The following SMAP1 variants were observed in gnomAD, a reference collection of about 807,000 sequenced individuals.
SMAP1 encodes small ArfGAP 1.
Under a neutral mutation model 58.5 loss-of-function variants are expected in SMAP1, and 24 were observed. That is an observed-to-expected ratio of 0.41 (90% CI 0.30 to 0.58). SMAP1 has a LOEUF of 0.58. SMAP1 is among the 20% of genes least tolerant of loss of function. SMAP1 has a pLI of 0.29. For missense variants in SMAP1, 563 were observed against 566.3 expected, an observed-to-expected ratio of 0.99 and a Z score of 0.06; for synonymous variants, 216 against 196.6, an observed-to-expected ratio of 1.10 and a Z score of -0.82.
intron 2 of SMAP1, among the ~76,000 whole-genome samples, chr6:70,754,270 C>T (rs761393803): frequency 1.3e-5 from 2 of 152,040 alleles, no homozygotes; most frequent in Admixed American, 6.6e-5. Context: ...AGTCATTCCT[C>T]ATAGATGACA....
chr6:70,731,478 G>T (rs1436081761), intron 1 of SMAP1, among the ~76,000 whole-genome samples: 1 of 152,110 alleles, frequency 6.6e-6, no homozygotes, highest in East Asian at 1.9e-4. Context: ...TTATATTCTT[G>T]CCATACAGCT....
rs138470113 is a variant in SMAP1 at position 70,833,737 on chromosome 6, CCTTT to C, written c.577-3199_577-3196del. On this transcript the variant is annotated intron_variant, in intron 6 of 10. Coordinates refer to ENST00000370455, the MANE Select transcript of SMAP1 (RefSeq NM_001044305.3). ...CAAAACAACAATCTGGGAATATTTA[CCTTT>C]CTTTTATGCAGTCAGTGTACTCTAT... is the stretch of plus-strand genomic sequence containing the variant. Among the ~76,000 whole-genome samples the C allele has an allele frequency of 5.6e-3, 853 of 152,252 alleles. 5 individuals are homozygous for C. The highest frequency in any genetic ancestry group is 0.018 in the African/African-American group (734 of 41,550).
Position 70,772,058 on chromosome 6 carries a change from G to A in SMAP1, c.339-1292G>A, listed in dbSNP as rs910510086. 3.9e-5 allele frequency among the ~76,000 whole-genome samples: 6 copies of A among 152,096 alleles called. No homozygotes were observed. In the South Asian group the frequency reaches 1.0e-3, roughly 26 times the overall value. The stretch of plus-strand genomic sequence containing the variant: ...ACATACACCCACACTCACTCATACT[G>A]GGCCATTTAGACATGTGAAATAACC... On this transcript the variant is annotated intron_variant, in intron 3 of 10. Coordinates refer to ENST00000370455, the MANE Select transcript of SMAP1 (RefSeq NM_001044305.3).
rs753784483 is a variant in SMAP1, at chr6:70,732,476, G to A, written c.217G>A (p.Val73Ile). 5.0e-6 allele frequency: 8 copies of A among 1,612,112 alleles called. No homozygotes were observed. The Admixed American group carries it at 1.3e-4, about 27-fold the overall frequency. ...GGTTCATATATCCAGGGTCAAATCA[G>A]TCAACCTAGACCAATGGACAGCAGA... ...LGVHISRVKS[V>I]NLDQWTAEQI... Residue 73 changes from valine to isoleucine, a missense_variant, in exon 2 of 11, where the codon GTC (valine) becomes ATC (isoleucine). Transcript: ENST00000370455.
intron 2 of SMAP1, among the ~76,000 whole-genome samples, chr6:70,735,598 G>A (rs1355934911): frequency 2.0e-5 from 3 of 152,100 alleles, no homozygotes; most frequent in Admixed American, 2.0e-4. Flanking sequence ...ACGAAGCCCC[G>A]TCTCTACTAA....
chr6:70,826,934 CAAAAAAAAAAAA>C (rs61069311), intron 6 of SMAP1, among the ~76,000 whole-genome samples: 4 of 76,630 alleles, frequency 5.2e-5, no homozygotes, highest in Admixed American at 3.5e-4. Context: ...AACCGTGTCT[CAAAAAAAAAAAA>C]AAAAAAAAAA....
chr6:70,850,420 G>A (rs948548948), intron 7 of SMAP1, among the ~76,000 whole-genome samples: 16 of 151,916 alleles, frequency 1.1e-4, no homozygotes, highest in Admixed American at 2.6e-4. Context: ...ACTGGAAATA[G>A]TTGCTTATAT....
chr6:70,804,784 G>C (rs1461750307), intron 6 of SMAP1, among the ~76,000 whole-genome samples: 1 of 152,100 alleles, frequency 6.6e-6, no homozygotes, highest in Non-Finnish European at 1.5e-5. Flanking sequence ...ATGAAATTCT[G>C]GGTTGAAAAT....
At chr6:70,672,896 A>C (rs1186017442) in intron 1 of SMAP1, among the ~76,000 whole-genome samples, 1 of 151,978 alleles carries the variant, frequency 6.6e-6, no homozygotes, top group Non-Finnish European at 1.5e-5. Flanking sequence ...ACCAGTATGA[A>C]AGAACAGAAG....
intron 6 of SMAP1, among the ~76,000 whole-genome samples, chr6:70,823,433 C>CT (rs985317832): frequency 1.3e-5 from 2 of 152,122 alleles, no homozygotes; most frequent in Non-Finnish European, 2.9e-5. Flanking sequence ...AGGTTAAGCT[C>CT]TAATAAAACT....
intron 1 of SMAP1, among the ~76,000 whole-genome samples, chr6:70,727,738 G>A (rs1582070984): frequency 6.6e-6 from 1 of 152,170 alleles, no homozygotes; most frequent in Non-Finnish European, 1.5e-5. Context: ...TCTATTGTGT[G>A]TTCTGTTTGC....
At chr6:70,778,542 A>G (rs944828861) in intron 4 of SMAP1, among the ~76,000 whole-genome samples, 15 of 152,250 alleles carry the variant, frequency 9.9e-5, no homozygotes, top group African/African-American at 3.6e-4. Flanking sequence ...CCATTTATGC[A>G]TGCTTGGGAT....
At chr6:70,768,358 C>T (rs1043948614) in intron 3 of SMAP1, among the ~76,000 whole-genome samples, 4 of 152,056 alleles carry the variant, frequency 2.6e-5, no homozygotes, top group South Asian at 2.1e-4. Context: ...TGGTAGAATT[C>T]GGCTGTGAAT....
intron 1 of SMAP1, among the ~76,000 whole-genome samples, chr6:70,728,746 C>G (rs966709882): frequency 6.6e-6 from 1 of 152,116 alleles, no homozygotes; most frequent in East Asian, 1.9e-4. Flanking sequence ...TAGAGGAAAA[C>G]AGGAAACTGT....
At chr6:70,669,659 A>G (rs1356661553) in intron 1 of SMAP1, among the ~76,000 whole-genome samples, 2 of 152,182 alleles carry the variant, frequency 1.3e-5, no homozygotes, top group African/African-American at 4.8e-5. Flanking sequence ...ACACTGAAAA[A>G]TGGTCCTTTA....
At chr6:70,816,048 G>A (rs1230729552) in intron 6 of SMAP1, among the ~76,000 whole-genome samples, 3 of 152,120 alleles carry the variant, frequency 2.0e-5, no homozygotes, top group African/African-American at 7.2e-5. Flanking sequence ...GATACAATAG[G>A]AGACAGAGTG....
At chr6:70,743,981 T>C (rs1335909215) in intron 2 of SMAP1, among the ~76,000 whole-genome samples, 1 of 152,210 alleles carries the variant, frequency 6.6e-6, no homozygotes, top group African/African-American at 2.4e-5. Flanking sequence ...GCCCTATATT[T>C]TCTTTTTCCT....
rs1444076178 is a variant in SMAP1 at position 70,857,022 on chromosome 6, G to A, written c.953G>A (p.Ser318Asn). ...LYGTGTIQQQ[S>N]TPGVFMGPTN... ...GGCACAGGAACCATTCAACAGCAAA[G>A]TACTCCTGGTAATGAATTTTGATAT... The change falls in exon 9 of 11, where the codon AGT becomes AAT. Residue 318 changes from serine to asparagine, a missense_variant. By Grantham distance (46) the Ser-to-Asn change is conservative. This residue lies in a region of SMAP1 where 494 missense variants were observed against 473.8 expected (regional missense o/e 1.04). Transcript: ENST00000370455. 4.4e-6 allele frequency: 7 copies of A among 1,601,270 alleles called. No individual in the cohort carries two copies. The African/African-American group carries it at 9.4e-5, about 22-fold the overall frequency.
intron 6 of SMAP1, among the ~76,000 whole-genome samples, chr6:70,806,481 CT>C (rs1181221318): frequency 6.6e-6 from 1 of 152,194 alleles, no homozygotes; most frequent in Admixed American, 6.5e-5. Context: ...ATGCCCCGCC[CT>C]CCTTCAGCTC....
Sources: allele counts gnomAD v4.1 joint callset (sites outside exome capture counted in the v4.1 genomes callset), GRCh38; gene constraint gnomAD v4.1.1; regional missense constraint gnomAD v4.1.1; transcripts MANE v1.5; gene names NCBI Gene and HGNC (gene_info 2026-07-23, HGNC 2026-07-21).